Variants in SLC9A9 observed in about 807,000 individuals in gnomAD.
SLC9A9 encodes sodium/hydrogen exchanger 9.
SLC9A9 carries 62 observed loss-of-function variants against 77.8 expected under a neutral mutation model. The observed-to-expected ratio is 0.80, with a 90% CI of 0.65 to 0.98. The LOEUF (loss-of-function observed/expected upper bound fraction) is 0.98. Among genes scored for constraint, SLC9A9 ranks in the 50% least tolerant of loss-of-function variants. SLC9A9 has a pLI of 0.00. For synonymous variants in SLC9A9, 320 were observed against 283.5 expected, an observed-to-expected ratio of 1.13 and a Z score of -1.29; for missense variants, 775 against 774.9, an observed-to-expected ratio of 1.00 and a Z score of 0.00.
Position 143,342,040 on chromosome 3 carries a change from A to G in SLC9A9, c.1604+21444T>C, listed in dbSNP as rs116732809. ...GTTATGGGAATACCGCATCACAGTCAGGACCCAGCTCTGCTGCCGCCTCAG... is the reference window on the plus strand; with the variant it reads ...GTTATGGGAATACCGCATCACAGTCGGGACCCAGCTCTGCTGCCGCCTCAG... On this transcript the variant is annotated intron_variant, in intron 14 of 15. Transcript: ENST00000316549. 5.4e-3 allele frequency among the ~76,000 whole-genome samples: 820 copies of G among 152,290 alleles called. 8 individuals carry two copies. The highest frequency in any genetic ancestry group is 0.019 in the African/African-American group (788 of 41,566).
chr3:143,350,843 C>G (rs1272036516), intron 14 of SLC9A9, among the ~76,000 whole-genome samples: 2 of 152,182 alleles, frequency 1.3e-5, no homozygotes, highest in Admixed American at 1.3e-4. Context: ...GCTTCTCTCT[C>G]CCCGTAATCT....
chr3:143,321,084 C>A (rs1374434985), intron 14 of SLC9A9, among the ~76,000 whole-genome samples: 1 of 152,172 alleles, frequency 6.6e-6, no homozygotes, highest in East Asian at 1.9e-4. Context: ...CTGCTGACAC[C>A]ATCATTTCAA....
chr3:143,478,338 AAGG>A (rs2035517076), intron 11 of SLC9A9, among the ~76,000 whole-genome samples: 1 of 152,166 alleles, frequency 6.6e-6, no homozygotes, highest in Non-Finnish European at 1.5e-5. Flanking sequence ...GTTCCTCTAA[AAGG>A]AGGGGAAGCC....
intron 6 of SLC9A9, among the ~76,000 whole-genome samples, chr3:143,632,944 G>C (rs892881950): frequency 2.6e-5 from 4 of 152,170 alleles, no homozygotes; most frequent in Admixed American, 2.0e-4. Context: ...ACAACTGGTT[G>C]GTTGGCCAAA....
intron 14 of SLC9A9, among the ~76,000 whole-genome samples, chr3:143,274,147 C>T (rs1329128378): frequency 6.6e-6 from 1 of 152,192 alleles, no homozygotes; most frequent in African/African-American, 2.4e-5. Flanking sequence ...TTTTTGCCCA[C>T]TGGGAGCATT....
chr3:143,561,797 A>C (rs759693705), intron 8 of SLC9A9, among the ~76,000 whole-genome samples: 4 of 152,234 alleles, frequency 2.6e-5, no homozygotes, highest in African/African-American at 4.8e-5. Flanking sequence ...TGAAAGGAAG[A>C]AGACAAGAAG....
intron 5 of SLC9A9, among the ~76,000 whole-genome samples, chr3:143,677,167 C>T (rs1405807017): frequency 1.3e-5 from 2 of 152,112 alleles, no homozygotes; most frequent in Admixed American, 6.5e-5. Context: ...TAAGGGGAGA[C>T]TGGAAGAAAA....
chr3:143,822,545 C>T (rs1457402401), intron 2 of SLC9A9, among the ~76,000 whole-genome samples: 2 of 152,176 alleles, frequency 1.3e-5, no homozygotes, highest in Non-Finnish European at 2.9e-5. Flanking sequence ...AGGTCCCCTC[C>T]CCTCCTGTGC....
At chr3:143,655,830 A>G (rs865787244) in intron 5 of SLC9A9, among the ~76,000 whole-genome samples, 1 of 152,122 alleles carries the variant, frequency 6.6e-6, no homozygotes, top group Non-Finnish European at 1.5e-5. Flanking sequence ...AGGGTCTTTG[A>G]GCGGAATGAG....
chr3:143,665,319 G>C (rs1375216699), intron 5 of SLC9A9, among the ~76,000 whole-genome samples: 1 of 152,168 alleles, frequency 6.6e-6, no homozygotes, highest in Non-Finnish European at 1.5e-5. Flanking sequence ...CAGAATCTCT[G>C]GGACACATTT....
intron 14 of SLC9A9, among the ~76,000 whole-genome samples, chr3:143,330,020 G>A (rs2031719897): frequency 6.6e-6 from 1 of 152,170 alleles, no homozygotes; most frequent in Non-Finnish European, 1.5e-5. Flanking sequence ...TGCTGGCGGC[G>A]CTATTCATGG....
intron 2 of SLC9A9, chr3:143,811,608 G>A: frequency 2.2e-6 from 1 of 447,514 alleles, no homozygotes; most frequent in Non-Finnish European, 4.5e-6. Flanking sequence ...TACTTTGGGA[G>A]GCCGACGTGG....
chr3:143,832,243 A>C, intron 1 of SLC9A9, 22 bp from the exon 2 acceptor site: 2 of 1,588,504 alleles, frequency 1.3e-6, no homozygotes, highest in Non-Finnish European at 1.7e-6. Context: ...AGAATAAATA[A>C]TGGTACTGGA....
intron 4 of SLC9A9, among the ~76,000 whole-genome samples, chr3:143,766,765 G>A (rs1394089002): frequency 6.6e-6 from 1 of 152,022 alleles, no homozygotes; most frequent in African/African-American, 2.4e-5. Context: ...GTAGAGACGG[G>A]GTTTCCCTAT....
At chr3:143,417,802 A>C (rs1313065525) in intron 12 of SLC9A9, among the ~76,000 whole-genome samples, 2 of 152,074 alleles carry the variant, frequency 1.3e-5, no homozygotes, top group Non-Finnish European at 2.9e-5. Context: ...AAGTCCGAGA[A>C]GACTAAGGCA....
intron 6 of SLC9A9, among the ~76,000 whole-genome samples, chr3:143,580,819 G>T (rs1417787705): frequency 3.3e-5 from 5 of 152,116 alleles, no homozygotes; most frequent in Non-Finnish European, 1.5e-5. Context: ...AATTATCCTT[G>T]ACCTATGGAG....
chr3:143,518,285 G>T, intron 9 of SLC9A9: 2 of 1,278,478 alleles, frequency 1.6e-6, no homozygotes, highest in Non-Finnish European at 1.1e-6. Flanking sequence ...AGGCCCAGGC[G>T]CTGGCTCAGC....
At chr3:143,538,354 T>C (rs948240640) in intron 9 of SLC9A9, among the ~76,000 whole-genome samples, 3 of 152,034 alleles carry the variant, frequency 2.0e-5, no homozygotes, top group African/African-American at 7.2e-5. Flanking sequence ...AATAAATCAG[T>C]ACAAAGGGGA....
chr3:143,386,020 C>T (rs528978604), intron 12 of SLC9A9, among the ~76,000 whole-genome samples: 15 of 152,272 alleles, frequency 9.9e-5, no homozygotes, highest in African/African-American at 2.6e-4. Context: ...TGAACTTGTG[C>T]GATACCCTGC....
Sources: allele counts gnomAD v4.1 joint callset (sites outside exome capture counted in the v4.1 genomes callset), GRCh38; gene constraint gnomAD v4.1.1; transcripts MANE v1.5; gene names NCBI Gene and HGNC (gene_info 2026-07-23, HGNC 2026-07-21).